The following CRYBG1 variants were observed in gnomAD, a reference collection of about 807,000 sequenced individuals.
The protein encoded by CRYBG1 is beta/gamma crystallin domain-containing protein 1.
A neutral mutation model predicts 189.2 loss-of-function variants in CRYBG1; 139 were observed. The ratio of observed to expected loss-of-function variants is 0.73; its 90% confidence interval spans 0.64 to 0.85. The LOEUF (loss-of-function observed/expected upper bound fraction) is 0.85. Ranked by LOEUF, CRYBG1 falls within the 40% of genes least tolerant of loss-of-function variation. CRYBG1 has a pLI of 0.00. For synonymous variants in CRYBG1, 1,023 were observed against 1,017.1 expected (o/e 1.01, Z -0.11); for missense variants, 2,611 against 2,675.8 (o/e 0.98, Z 0.53).
intron 2 of CRYBG1, among the ~76,000 whole-genome samples, chr6:106,471,073 A>G (rs1772224308): frequency 6.6e-6 from 1 of 152,154 alleles, no homozygotes; most frequent in South Asian, 2.1e-4. Flanking sequence ...TTCTACATGA[A>G]AGGAGACTGC....
intron 13 of CRYBG1, among the ~76,000 whole-genome samples, chr6:106,548,291 C>T (rs527805502): frequency 6.6e-6 from 1 of 152,262 alleles, no homozygotes; most frequent in African/African-American, 2.4e-5. Context: ...TTCTCCCCTC[C>T]CCCACTCCCC....
At chr6:106,361,951 C>CTTTT (rs1771876168) in intron 1 of CRYBG1, among the ~76,000 whole-genome samples, 1 of 52,434 alleles carries the variant, frequency 1.9e-5, no homozygotes, top group Non-Finnish European at 3.8e-5. Context: ...ACATGGTTTT[C>CTTTT]CTTTTATTTC....
At chr6:106,473,141 G>A (rs554896471) in intron 2 of CRYBG1, among the ~76,000 whole-genome samples, 1 of 152,196 alleles carries the variant, frequency 6.6e-6, no homozygotes, top group African/African-American at 2.4e-5. Flanking sequence ...TTGGAGTGAG[G>A]CCAAGATGCC....
At chr6:106,566,511 G>A (rs1007261245) in intron 21 of CRYBG1, among the ~76,000 whole-genome samples, 4 of 113,662 alleles carry the variant, frequency 3.5e-5, no homozygotes, top group Non-Finnish European at 4.9e-5. Context: ...TCACTCTGTC[G>A]TCCAGGCTGG....
intron 1 of CRYBG1, among the ~76,000 whole-genome samples, chr6:106,391,346 T>G (rs1770498452): frequency 1.3e-5 from 2 of 152,206 alleles, no homozygotes; most frequent in South Asian, 4.1e-4. Flanking sequence ...CCTCCCAAAG[T>G]GCTGGGATTA....
At chr6:106,453,077 G>A (rs34760134) in intron 2 of CRYBG1, among the ~76,000 whole-genome samples, 12,599 of 152,190 alleles carry the variant, frequency 0.083, 859 homozygotes, top group South Asian at 0.18. Context: ...GAGATTGGCT[G>A]CACAACAATA....
In CRYBG1 at chr6:106,411,284, T is replaced by C. The variant is rs149276065; in HGVS notation, c.174-40410T>C. The stretch of plus-strand genomic sequence containing the variant: ...ATGTTAGACTAATATTGACCTACTT[T>C]TGATTGGGAAAACTTGTCTGATTCG... On this transcript the variant is annotated intron_variant, in intron 1 of 21. Coordinates refer to ENST00000633556, the MANE Select transcript of CRYBG1 (RefSeq NM_001371242.2). Among the ~76,000 whole-genome samples, 227 of 152,280 alleles carry C rather than the reference T, an allele frequency of 1.5e-3. 3 individuals carry two copies. The highest frequency in any genetic ancestry group is 5.1e-3 in the African/African-American group (211 of 41,558).
intron 1 of CRYBG1, among the ~76,000 whole-genome samples, chr6:106,379,306 G>A (rs549050985): frequency 6.6e-6 from 1 of 150,958 alleles, no homozygotes; most frequent in Admixed American, 6.6e-5. Flanking sequence ...CTGTTGCCCA[G>A]GCTGGAGTGC....
chr6:106,472,170 A>G (rs921404624), intron 2 of CRYBG1, among the ~76,000 whole-genome samples: 9 of 152,344 alleles, frequency 5.9e-5, no homozygotes, highest in African/African-American at 2.2e-4. Flanking sequence ...TAAATTTCAT[A>G]TAGTATTTTT....
At chr6:106,568,049 A>T (rs1229344376) in intron 21 of CRYBG1, among the ~76,000 whole-genome samples, 1 of 139,444 alleles carries the variant, frequency 7.2e-6, no homozygotes, top group Non-Finnish European at 1.5e-5. Context: ...CACTGCCAGG[A>T]CTACCTGCTC....
At chr6:106,530,806 T>C (rs529215730) in intron 8 of CRYBG1, among the ~76,000 whole-genome samples, 11 of 152,256 alleles carry the variant, frequency 7.2e-5, no homozygotes, top group East Asian at 1.9e-4. Flanking sequence ...ATACCTCAGA[T>C]AGGGGAGAAA....
chr6:106,524,528 A>G (rs1156389908), intron 4 of CRYBG1, among the ~76,000 whole-genome samples: 1 of 152,162 alleles, frequency 6.6e-6, no homozygotes, highest in Non-Finnish European at 1.5e-5. Flanking sequence ...ATGCCACTGC[A>G]CTCCAGCCTG....
At chr6:106,488,323 G>T (rs1772636968) in intron 2 of CRYBG1, among the ~76,000 whole-genome samples, 1 of 152,152 alleles carries the variant, frequency 6.6e-6, no homozygotes, top group African/African-American at 2.4e-5. Flanking sequence ...GTGGTGTAGG[G>T]TCCCCTCCAG....
chr6:106,527,277 T>C lies in CRYBG1; in HGVS notation c.4413-28T>C, dbSNP rs1233127189. On this transcript the variant is annotated intron_variant, in intron 6 of 21. Coordinates refer to ENST00000633556, the MANE Select transcript of CRYBG1 (RefSeq NM_001371242.2). ...CAAAACCTCTCTCACGAAGACTGAC[T>C]AATGGTTTTGCTGTGTTTTATTGTT... The C allele has an allele frequency of 1.9e-6, 3 of 1,591,606 alleles. No individual in the cohort carries two copies. In the East Asian group the frequency reaches 6.8e-5, roughly 36 times the overall value.
At chr6:106,471,712 A>G (rs1772235654) in intron 2 of CRYBG1, among the ~76,000 whole-genome samples, 1 of 151,828 alleles carries the variant, frequency 6.6e-6, no homozygotes, top group East Asian at 1.9e-4. Context: ...CCTCTGGGCT[A>G]TGTCAGTTCT....
chr6:106,495,613 C>T (rs150892926), intron 2 of CRYBG1, among the ~76,000 whole-genome samples: 5 of 151,634 alleles, frequency 3.3e-5, no homozygotes, highest in East Asian at 1.9e-4. Context: ...TACTTTGGCT[C>T]GAAGCAGAAA....
chr6:106,520,938 T>C lies in CRYBG1; in HGVS notation c.3730T>C (p.Ser1244Pro). 1 of 1,614,180 alleles carries C rather than the reference T, an allele frequency of 6.2e-7. No homozygotes were observed. Among genetic ancestry groups the C allele is most frequent in the Non-Finnish European group, 8.5e-7 (1 of 1,180,026 alleles). The change falls in exon 4 of 22, where the codon TCA (serine) becomes CCA (proline). Residue 1244 changes from serine (S) to proline (P), a missense_variant. Physicochemically the swap from Ser to Pro is moderately conservative, Grantham distance 74 (BLOSUM62 -1). Around this residue, in one of 3 missense-constraint regions of CRYBG1, gnomAD observed 1,622 missense variants for 1,735.0 expected, o/e 0.93. Coordinates refer to ENST00000633556, the MANE Select transcript of CRYBG1 (RefSeq NM_001371242.2). ...RSRLEKSALF[S>P]SLLSSLPQDK... ...GAGACTAGAAAAAAGTGCACTTTTCTCAAGCTTGTTATCTTCTTTACCACA... is the reference window on the plus strand; with the variant it reads ...GAGACTAGAAAAAAGTGCACTTTTCCCAAGCTTGTTATCTTCTTTACCACA...
At chr6:106,509,496 C>G (rs1773200023) in intron 2 of CRYBG1, among the ~76,000 whole-genome samples, 1 of 152,170 alleles carries the variant, frequency 6.6e-6, no homozygotes, top group Non-Finnish European at 1.5e-5. Flanking sequence ...ACGTCGGGTA[C>G]AAGAGCTCCG....
chr6:106,500,975 C>T (rs1025958503), intron 2 of CRYBG1, among the ~76,000 whole-genome samples: 1 of 152,136 alleles, frequency 6.6e-6, no homozygotes. Context: ...ACACTGTTGT[C>T]TGACTCTTGA....
Sources: gnomAD v4.1 joint callset for allele counts (sites outside exome capture counted in the v4.1 genomes callset) on GRCh38, gnomAD v4.1.1 for gene constraint, gnomAD v4.1.1 regional missense constraint, MANE v1.5 for transcripts, NCBI Gene and HGNC (gene_info 2026-07-23, HGNC 2026-07-21) for gene names.